GRM4: variants seen among roughly 807,000 people sequenced by gnomAD.
GRM4 encodes the protein metabotropic glutamate receptor 4.
Under a neutral mutation model 81.7 loss-of-function variants are expected in GRM4, and 28 were observed. That is an observed-to-expected ratio of 0.34 (90% CI 0.25 to 0.47). The LOEUF is 0.47. GRM4 is among the 20% of genes least tolerant of loss of function. GRM4 has a pLI of 1.00. For missense variants in GRM4, 948 were observed against 1,290.0 expected (o/e 0.73, Z 4.06); for synonymous variants, 488 against 528.8 (o/e 0.92, Z 1.06).
intron 2 of GRM4, among the ~76,000 whole-genome samples, chr6:34,106,631 T>C (rs1006317609): frequency 3.9e-5 from 6 of 152,142 alleles, no homozygotes; most frequent in Non-Finnish European, 8.8e-5. Flanking sequence ...TCAGGGCCTT[T>C]GCACTGGCTG....
At chr6:34,145,418 G>C (rs1316069978) in intron 1 of GRM4, among the ~76,000 whole-genome samples, 1 of 152,216 alleles carries the variant, frequency 6.6e-6, no homozygotes, top group Non-Finnish European at 1.5e-5. Flanking sequence ...GGAAGGAGCG[G>C]GAGAGGCGGC....
intron 6 of GRM4, among the ~76,000 whole-genome samples, chr6:34,049,121 G>T (rs924500879): frequency 1.3e-5 from 2 of 151,930 alleles, no homozygotes; most frequent in African/African-American, 4.8e-5. Context: ...CCTCATAAGA[G>T]GTGCCTCTGC....
In GRM4 at chr6:34,101,629, G is replaced by A. The variant is rs116643941; in HGVS notation, c.520-9530C>T. Among the ~76,000 whole-genome samples the A allele has an allele frequency of 5.8e-3, 887 of 152,324 alleles. 9 individuals carry two copies. The highest frequency in any genetic ancestry group is 0.02 in the African/African-American group (849 of 41,570). ...CAGCCCTGCTTCCTCTCCTTGCTGA[G>A]CCCCCGCCTCCACTCCTGGCTGTCA... On this transcript the variant is annotated intron_variant, in intron 2 of 10. Coordinates refer to ENST00000538487, the MANE Select transcript of GRM4 (RefSeq NM_000841.4).
chr6:34,058,681 G>A (rs552265494), intron 5 of GRM4, among the ~76,000 whole-genome samples: 7 of 152,250 alleles, frequency 4.6e-5, no homozygotes, highest in African/African-American at 1.4e-4. Context: ...CTGTAGCCCC[G>A]GCAGGGCGGC....
At chr6:34,120,778 T>C (rs535220326) in intron 2 of GRM4, among the ~76,000 whole-genome samples, 29 of 152,290 alleles carry the variant, frequency 1.9e-4, no homozygotes, top group Non-Finnish European at 2.8e-4. Flanking sequence ...GTATTTTTAA[T>C]AGAGACAGGG....
Position 34,020,496 on chromosome 6 carries a change from T to G in GRM4, c.*2325A>C, listed in dbSNP as rs1477553015. On this transcript the variant is annotated 3_prime_UTR_variant, in exon 11 of 11. Transcript: ENST00000538487. ...AGAGTCACCCTGGGGGAGAGCTGGCTGCACCCGCTTCTGCATTCCCCATCC... is the reference window on the plus strand; with the variant it reads ...AGAGTCACCCTGGGGGAGAGCTGGCGGCACCCGCTTCTGCATTCCCCATCC... The G allele has an allele frequency of 6.6e-6, 1 of 152,148 alleles. No individual in the cohort carries two copies. The highest frequency in any genetic ancestry group is 2.4e-5 in the African/African-American group (1 of 41,398). The allele number at this position is 152,148 out of a possible 1,614,324, so 9.4% of individuals were successfully genotyped here. A position where few individuals can be genotyped will look rare whatever the true frequency, so the allele number is the denominator to read the frequency against.
At chr6:34,102,001 G>T in intron 2 of GRM4, 1 of 1,535,112 alleles carries the variant, frequency 6.5e-7, no homozygotes, top group Non-Finnish European at 8.7e-7. Flanking sequence ...CCAGGTCAGG[G>T]CCTCTCACCA....
chr6:34,053,567 C>T (rs80131642), intron 6 of GRM4, among the ~76,000 whole-genome samples: 1,525 of 152,306 alleles, frequency 0.01, 12 homozygotes, highest in Non-Finnish European at 0.015. Flanking sequence ...AGACATACCG[C>T]GTCTAGAGCC....
intron 3 of GRM4, among the ~76,000 whole-genome samples, chr6:34,077,240 C>G (rs1767361167): frequency 6.6e-6 from 1 of 152,100 alleles, no homozygotes; most frequent in African/African-American, 2.4e-5. Flanking sequence ...CCTTTCTGAT[C>G]TAAACCAGAG....
At chr6:34,044,010 G>T (rs12663035) in intron 6 of GRM4, among the ~76,000 whole-genome samples, 39,697 of 151,798 alleles carry the variant, frequency 0.26, 6,120 homozygotes, top group African/African-American at 0.43. Flanking sequence ...GACCAGACCA[G>T]GAGGATGCCC....
intron 10 of GRM4, chr6:34,024,653 C>A (rs1475703571): frequency 2.2e-6 from 1 of 455,916 alleles, no homozygotes; most frequent in South Asian, 1.5e-5. Context: ...GGGTCCAGCT[C>A]AGTTAAAGGA....
chr6:34,095,243 C>T (rs1416145905), intron 2 of GRM4, among the ~76,000 whole-genome samples: 1 of 152,162 alleles, frequency 6.6e-6, no homozygotes, highest in Admixed American at 6.5e-5. Flanking sequence ...GAGGGAATCA[C>T]AGGCTCCTGA....
At chr6:34,062,063 G>A (rs1203119138) in intron 3 of GRM4, 35 bp from the exon 4 acceptor site, 8 of 1,587,034 alleles carry the variant, frequency 5.0e-6, no homozygotes, top group Admixed American at 1.7e-5. Context: ...GGGGTGGGCA[G>A]GGGAACCTGA....
chr6:34,143,047 T>G lies in GRM4; in HGVS notation c.-364+2953A>C, dbSNP rs142559507. ...TAAGCCTTGCCATCTTCCTCTCCCG[T>G]CTCTCTTAAATGCAGATGCCCCTGG... On this transcript the variant is annotated intron_variant, in intron 1 of 10. Transcript: ENST00000538487. Among the ~76,000 whole-genome samples the G allele has an allele frequency of 6.1e-3, 928 of 152,246 alleles. 4 individuals are homozygous for G. Among genetic ancestry groups the G allele is most frequent in the South Asian group, 0.011 (53 of 4,822 alleles).
intron 10 of GRM4, among the ~76,000 whole-genome samples, chr6:34,027,755 A>G (rs1023840477): frequency 2.0e-5 from 3 of 152,190 alleles, no homozygotes; most frequent in African/African-American, 7.2e-5. Context: ...CCCAGGCCCC[A>G]GCACAGGGAA....
In GRM4 at chr6:34,092,563, G is replaced by A. The variant is rs1346381023; in HGVS notation, c.520-464C>T. Among the ~76,000 whole-genome samples the A allele has an allele frequency of 6.6e-6, 1 of 152,046 alleles. No homozygotes were observed. Among genetic ancestry groups the A allele is most frequent in the African/African-American group, 2.4e-5 (1 of 41,380 alleles). ...ACCCTGTCCCCACAGCTCTCTGCCA[G>A]CTCAGCCTCCTTCCTCGTGCCCTGC... On this transcript the variant is annotated intron_variant, in intron 2 of 10. Coordinates refer to ENST00000538487, the MANE Select transcript of GRM4 (RefSeq NM_000841.4). The surrounding 1 kb of genome is among the most constrained non-coding windows in gnomAD (Gnocchi z 6.8).
At chr6:34,027,172 C>T (rs1450375090) in intron 10 of GRM4, among the ~76,000 whole-genome samples, 1 of 152,092 alleles carries the variant, frequency 6.6e-6, no homozygotes. Flanking sequence ...TGGAAAGAAC[C>T]AGAGGTCGCA....
intron 2 of GRM4, chr6:34,110,584 G>C: frequency 1.5e-6 from 1 of 661,880 alleles, no homozygotes; most frequent in Non-Finnish European, 2.6e-6. Context: ...CATCTTCTCA[G>C]AGAGGTTGTT....
chr6:34,084,702 C>T (rs1306623118), intron 3 of GRM4, among the ~76,000 whole-genome samples: 2 of 152,228 alleles, frequency 1.3e-5, no homozygotes, highest in Admixed American at 6.5e-5. Context: ...TGGCTCCCCA[C>T]CCCACGGCCA....
Sources: gnomAD v4.1 joint callset for allele counts (sites outside exome capture counted in the v4.1 genomes callset) on GRCh38, gnomAD v4.1.1 for gene constraint, Gnocchi (gnomAD v3.1) non-coding constraint, MANE v1.5 for transcripts, NCBI Gene and HGNC (gene_info 2026-07-23, HGNC 2026-07-21) for gene names.